The following BBS9 variants were observed in gnomAD, a reference collection of about 807,000 sequenced individuals.
The protein encoded by BBS9 is protein PTHB1.
A neutral mutation model predicts 117.7 loss-of-function variants in BBS9; 89 were observed. That is an observed-to-expected ratio of 0.76 (90% confidence interval 0.64 to 0.90). BBS9 has a LOEUF of 0.90. BBS9 is among the 40% of genes least tolerant of loss of function. The pLI, the probability that BBS9 is intolerant of heterozygous loss-of-function variation, is 0.00. For missense variants in BBS9, 982 were observed against 1,042.2 expected (o/e 0.94, Z 0.80); for synonymous variants, 379 against 370.9 (o/e 1.02, Z -0.25).
At chr7:33,534,497 T>G (rs562591927) in intron 21 of BBS9, 35 of 413,100 alleles carry the variant, frequency 8.5e-5, no homozygotes, top group Admixed American at 5.7e-4. Context: ...TTACTAAATG[T>G]GATCTCGCGA....
chr7:33,389,687 T>TAAA lies in BBS9; in HGVS notation c.2115+1569_2115+1571dup, dbSNP rs5883400. On this transcript the variant is annotated intron_variant, in intron 19 of 22. Coordinates refer to ENST00000242067, the MANE Select transcript of BBS9 (RefSeq NM_198428.3). ...CTGGGTGACAGAGCAAGACTCCATC[T>TAAA]AAAAAAAAAAAAAAAAAAAAAAAAA... is the stretch of plus-strand genomic sequence containing the variant. Among the ~76,000 whole-genome samples the TAAA allele has an allele frequency of 5.1e-4, 47 of 91,966 alleles. 3 individuals carry two copies. Among genetic ancestry groups the TAAA allele is most frequent in the African/African-American group, 1.4e-3 (31 of 22,030 alleles). The allele number at this position is 91,966 out of a possible 152,430, so 60.3% of individuals were successfully genotyped here.
chr7:33,278,569 A>G (rs1246764286), intron 9 of BBS9, among the ~76,000 whole-genome samples: 1 of 152,144 alleles, frequency 6.6e-6, no homozygotes, highest in East Asian at 1.9e-4. Context: ...TTCCCATATC[A>G]GGAGGTGGCA....
At chr7:33,507,514 G>A (rs1415629590) in intron 20 of BBS9, among the ~76,000 whole-genome samples, 1 of 152,168 alleles carries the variant, frequency 6.6e-6, no homozygotes, top group Non-Finnish European at 1.5e-5. Context: ...AAAGTGCTGG[G>A]ATTACAAGGC....
chr7:33,601,644 C>A (rs924311798), intron 21 of BBS9, among the ~76,000 whole-genome samples: 1 of 152,050 alleles, frequency 6.6e-6, no homozygotes, highest in Non-Finnish European at 1.5e-5. Context: ...GATTCCTGTT[C>A]GGCTGGTGTG....
intron 9 of BBS9, among the ~76,000 whole-genome samples, chr7:33,319,125 T>G (rs568117086): frequency 4.0e-4 from 60 of 150,576 alleles, no homozygotes; most frequent in African/African-American, 1.4e-3. Context: ...ATCGCGCCAC[T>G]GCCCTCCAGC....
intron 21 of BBS9, among the ~76,000 whole-genome samples, chr7:33,552,876 C>T (rs983663422): frequency 2.0e-5 from 3 of 152,086 alleles, no homozygotes; most frequent in Non-Finnish European, 2.9e-5. Context: ...GACTTGTTAC[C>T]GTGGCCTGCA....
At chr7:33,181,696 C>A (rs1025885806) in intron 5 of BBS9, among the ~76,000 whole-genome samples, 1 of 152,160 alleles carries the variant, frequency 6.6e-6, no homozygotes, top group Non-Finnish European at 1.5e-5. Context: ...TAACTTTAGC[C>A]GATATGTTCA....
intron 19 of BBS9, among the ~76,000 whole-genome samples, chr7:33,442,598 C>T (rs1360464397): frequency 6.6e-6 from 1 of 152,128 alleles, no homozygotes; most frequent in East Asian, 1.9e-4. Context: ...GAAGCAAGTG[C>T]ATTCTGATCT....
intron 20 of BBS9, among the ~76,000 whole-genome samples, chr7:33,518,630 C>T (rs987543757): frequency 1.3e-5 from 2 of 152,042 alleles, no homozygotes; most frequent in South Asian, 2.1e-4. Context: ...AGAAAAAAAC[C>T]CCCCATAGTA....
intron 20 of BBS9, among the ~76,000 whole-genome samples, chr7:33,506,113 T>C (rs181196486): frequency 6.6e-6 from 1 of 152,320 alleles, no homozygotes; most frequent in Admixed American, 6.5e-5. Context: ...GAGTTCTTTA[T>C]GTGTAGTTTA....
chr7:33,498,723 T>C (rs1845062405), intron 19 of BBS9, among the ~76,000 whole-genome samples: 1 of 152,220 alleles, frequency 6.6e-6, no homozygotes, highest in Non-Finnish European at 1.5e-5. Flanking sequence ...TAATATTCCA[T>C]TATATGAATA....
chr7:33,485,345 T>C (rs1340073271), intron 19 of BBS9, among the ~76,000 whole-genome samples: 3 of 147,268 alleles, frequency 2.0e-5, no homozygotes, highest in Non-Finnish European at 4.5e-5. Flanking sequence ...AGTCTCGCTC[T>C]GTTGCCCAGG....
chr7:33,457,385 T>G (rs1838801475), intron 19 of BBS9, among the ~76,000 whole-genome samples: 1 of 152,160 alleles, frequency 6.6e-6, no homozygotes, highest in Admixed American at 6.6e-5. Flanking sequence ...ATAGGAAGAT[T>G]TCAGGACCTT....
chr7:33,204,633 C>A (rs1430374737), intron 5 of BBS9, among the ~76,000 whole-genome samples: 2 of 152,010 alleles, frequency 1.3e-5, no homozygotes, highest in Non-Finnish European at 2.9e-5. Flanking sequence ...AAACCTCTCA[C>A]CCCCAAACAG....
At chr7:33,352,333 A>T (rs943258338) in intron 14 of BBS9, among the ~76,000 whole-genome samples, 1 of 152,184 alleles carries the variant, frequency 6.6e-6, no homozygotes, top group Non-Finnish European at 1.5e-5. Context: ...ATTACTAATC[A>T]TTGGTATTGG....
chr7:33,567,606 G>A (rs1215357488), intron 21 of BBS9, among the ~76,000 whole-genome samples: 1 of 152,036 alleles, frequency 6.6e-6, no homozygotes, highest in Non-Finnish European at 1.5e-5. Flanking sequence ...CATTTACTGG[G>A]TGGTTTTAAT....
chr7:33,405,148 T>G (rs1829688789), intron 19 of BBS9, among the ~76,000 whole-genome samples: 1 of 152,242 alleles, frequency 6.6e-6, no homozygotes. Context: ...GGACTACATT[T>G]ATTGATTTGC....
chr7:33,178,171 G>A (rs143500350), intron 5 of BBS9, among the ~76,000 whole-genome samples: 169 of 152,272 alleles, frequency 1.1e-3, no homozygotes, highest in African/African-American at 3.9e-3. Flanking sequence ...TTCTGCACAG[G>A]GCAGCTGGAA....
intron 1 of BBS9, among the ~76,000 whole-genome samples, chr7:33,136,621 C>T (rs1487067299): frequency 6.6e-6 from 1 of 152,000 alleles, no homozygotes; most frequent in African/African-American, 2.4e-5. Flanking sequence ...ATTGATTTTA[C>T]ATTAACTCAT....
Sources: allele counts gnomAD v4.1 joint callset (sites outside exome capture counted in the v4.1 genomes callset), GRCh38; gene constraint gnomAD v4.1.1; transcripts MANE v1.5; gene names NCBI Gene and HGNC (gene_info 2026-07-23, HGNC 2026-07-21).